MAGI1: variants seen among roughly 807,000 people sequenced by gnomAD.
The protein encoded by MAGI1 is membrane associated guanylate kinase, WW and PDZ domain containing 1.
MAGI1 carries 58 observed loss-of-function variants against 139.9 expected under a neutral mutation model. The observed-to-expected ratio is 0.41, with a 90% CI of 0.34 to 0.52. The LOEUF (loss-of-function observed/expected upper bound fraction) is 0.52, where lower values mean the gene tolerates loss of function less well. MAGI1 is among the 20% of genes least tolerant of loss of function. The pLI is 0.12. For synonymous variants in MAGI1, 812 were observed against 737.9 expected, an observed-to-expected ratio of 1.10 and a Z score of -1.63; for missense variants, 1,874 against 1,901.6, an observed-to-expected ratio of 0.99 and a Z score of 0.27.
At chr3:65,789,736 A>AC in intron 1 of MAGI1, among the ~76,000 whole-genome samples, 1 of 152,258 alleles carries the variant, frequency 6.6e-6, no homozygotes, top group African/African-American at 2.4e-5. Context: ...GCAATTAGGG[A>AC]CCTAAAACTG....
In MAGI1 at chr3:65,813,003, G is replaced by A. The variant is rs114739090; in HGVS notation, c.314-190915C>T. On this transcript the variant is annotated intron_variant, in intron 1 of 22. Coordinates refer to ENST00000402939, the MANE Select transcript of MAGI1 (RefSeq NM_001033057.2). ...TGGAATTACAGGCTTGAGCCACCGC[G>A]CCCAGCCTAGTTCACATTTTCTAAA... Among the ~76,000 whole-genome samples the A allele has an allele frequency of 4.5e-3, 678 of 149,112 alleles. 3 individuals carry two copies. Among genetic ancestry groups the A allele is most frequent in the Non-Finnish European group, 7.4e-3 (502 of 67,572 alleles).
chr3:65,894,172 A>G (rs926351397), intron 1 of MAGI1, among the ~76,000 whole-genome samples: 2 of 152,212 alleles, frequency 1.3e-5, no homozygotes, highest in Non-Finnish European at 2.9e-5. Context: ...TCAAAGTTGT[A>G]AGAACAGCAT....
intron 13 of MAGI1, among the ~76,000 whole-genome samples, chr3:65,395,203 G>A (rs1211873242): frequency 1.3e-5 from 2 of 152,106 alleles, no homozygotes; most frequent in African/African-American, 4.8e-5. Flanking sequence ...CTGAGCTCTT[G>A]AAATTTATCC....
rs531730907 is a variant in MAGI1, at chr3:65,456,837, C to T, written c.960-3497G>A. On this transcript the variant is annotated intron_variant, in intron 5 of 22. Coordinates refer to ENST00000402939, the MANE Select transcript of MAGI1 (RefSeq NM_001033057.2). ...GCTTTTGTAAAAAATCAGTTGGGCACACTTATGGATCTATCTCTGGTTCTG... is the reference window on the plus strand; with the variant it reads ...GCTTTTGTAAAAAATCAGTTGGGCATACTTATGGATCTATCTCTGGTTCTG... Among the ~76,000 whole-genome samples the T allele has an allele frequency of 1.2e-4, 18 of 152,294 alleles. 1 individual carries two copies. The highest frequency in any genetic ancestry group is 3.8e-4 in the African/African-American group (16 of 41,566).
At chr3:65,850,415 AG>A (rs1414583113) in intron 1 of MAGI1, among the ~76,000 whole-genome samples, 3 of 152,186 alleles carry the variant, frequency 2.0e-5, no homozygotes, top group Admixed American at 1.3e-4. Flanking sequence ...CTCTCAATCC[AG>A]GGTAAACCAG....
At chr3:65,927,588 T>A (rs1384194227) in intron 1 of MAGI1, among the ~76,000 whole-genome samples, 1 of 152,200 alleles carries the variant, frequency 6.6e-6, no homozygotes, top group Non-Finnish European at 1.5e-5. Context: ...GGTGCTTCTG[T>A]AGGTTTTTTA....
chr3:65,953,048 G>A (rs935813932), intron 1 of MAGI1, among the ~76,000 whole-genome samples: 1 of 152,088 alleles, frequency 6.6e-6, no homozygotes, highest in Non-Finnish European at 1.5e-5. Context: ...CTCAGGGAAA[G>A]GTTAAGTAAT....
In MAGI1 at chr3:65,869,971, C is replaced by T. The variant is rs188614004; in HGVS notation, c.313+168025G>A. On this transcript the variant is annotated intron_variant, in intron 1 of 22. Transcript: ENST00000402939. The stretch of plus-strand genomic sequence containing the variant: ...TATTCTTTACCCTAGAAATCGAAAT[C>T]TGCATTGCATTCTGTACCTGGCTTC... Among the ~76,000 whole-genome samples the T allele has an allele frequency of 3.3e-5, 5 of 152,314 alleles. No homozygotes were observed. The East Asian group carries it at 9.7e-4, about 29-fold the overall frequency.
chr3:65,887,063 T>C (rs955922852), intron 1 of MAGI1, among the ~76,000 whole-genome samples: 1 of 152,128 alleles, frequency 6.6e-6, no homozygotes, highest in African/African-American at 2.4e-5. Flanking sequence ...TATAAAATAC[T>C]GATTAAGAAT....
chr3:65,813,701 T>C (rs1158666711), intron 1 of MAGI1, among the ~76,000 whole-genome samples: 3 of 152,174 alleles, frequency 2.0e-5, no homozygotes, highest in Non-Finnish European at 4.4e-5. Context: ...TAATGAGAAA[T>C]ACGCAGAATG....
At chr3:65,410,783 TG>T (rs1559532047) in intron 12 of MAGI1, among the ~76,000 whole-genome samples, 2,491 of 152,262 alleles carry the variant, frequency 0.016, 73 homozygotes, top group African/African-American at 0.056. Context: ...AGGCTACACA[TG>T]CTAAAAATAC....
At chr3:65,889,401 C>T (rs547630763) in intron 1 of MAGI1, among the ~76,000 whole-genome samples, 1 of 152,300 alleles carries the variant, frequency 6.6e-6, no homozygotes, top group South Asian at 2.1e-4. Context: ...CTCTTCTGGG[C>T]TTAGCGACAC....
chr3:66,016,476 C>T (rs992929287), intron 1 of MAGI1, among the ~76,000 whole-genome samples: 20 of 152,204 alleles, frequency 1.3e-4, no homozygotes, highest in African/African-American at 3.9e-4. Flanking sequence ...ATGGCGGGAC[C>T]GAAGAACAGC....
In MAGI1 at chr3:66,038,760, G is replaced by T. The variant is rs1418912606; in HGVS notation, c.-452C>A. 1 of 159,896 alleles carries T rather than the reference G, an allele frequency of 6.3e-6. No homozygotes were observed. The highest frequency in any genetic ancestry group is 1.9e-4 in the East Asian group (1 of 5,328). The allele number at this position is 159,896 out of a possible 1,614,324, so 9.9% of individuals were successfully genotyped here. A position where few individuals can be genotyped will look rare whatever the true frequency, so the allele number is the denominator to read the frequency against. The stretch of plus-strand genomic sequence containing the variant: ...GGAAGCCCTTCCAGCCAGTTGCCGG[G>T]AGCCCTGAAGACGCGGTGGCGGGGC... On this transcript the variant is annotated 5_prime_UTR_variant, in exon 1 of 23. Transcript: ENST00000402939.
At chr3:65,833,304 A>G (rs930860277) in intron 1 of MAGI1, among the ~76,000 whole-genome samples, 5 of 152,088 alleles carry the variant, frequency 3.3e-5, no homozygotes, top group African/African-American at 7.2e-5. Context: ...GTTTTAGTAG[A>G]GAGGGGGTTT....
chr3:65,920,986 G>A (rs1208615441), intron 1 of MAGI1, among the ~76,000 whole-genome samples: 4 of 151,598 alleles, frequency 2.6e-5, no homozygotes, highest in African/African-American at 7.3e-5. Flanking sequence ...CCGAGATCAC[G>A]CCACTGCACT....
Position 65,544,895 on chromosome 3 carries a change from T to C in MAGI1, c.431-51264A>G, listed in dbSNP as rs530749076. On this transcript the variant is annotated intron_variant, in intron 2 of 22. Coordinates refer to ENST00000402939, the MANE Select transcript of MAGI1 (RefSeq NM_001033057.2). ...GTTATTTTGTAGATTAAGTAATACA[T>C]GTGAGTGTGATTTATAAATATAAAC... is the stretch of plus-strand genomic sequence containing the variant. Among the ~76,000 whole-genome samples the C allele has an allele frequency of 1.7e-4, 26 of 152,344 alleles. No homozygotes were observed. In the South Asian group the frequency reaches 1.9e-3, roughly 11 times the overall value.
rs979345752 is a variant in MAGI1, at chr3:65,890,116, G to A, written c.313+147880C>T. 5.0e-4 allele frequency among the ~76,000 whole-genome samples: 50 copies of A among 100,160 alleles called. 1 individual carries two copies. The highest frequency in any genetic ancestry group is 5.6e-4 in the Non-Finnish European group (31 of 55,068). The allele number at this position is 100,160 out of a possible 152,430, so 65.7% of individuals were successfully genotyped here. On this transcript the variant is annotated intron_variant, in intron 1 of 22. Transcript: ENST00000402939. Reference sequence around the variant, plus strand: ...CGCGGTGGCTCACGCCTGTAATCCCGGCACTTTGGGAGGCCGAGTGGACGG... The same window carrying A: ...CGCGGTGGCTCACGCCTGTAATCCCAGCACTTTGGGAGGCCGAGTGGACGG...
chr3:65,765,864 C>G (rs1559861195), intron 1 of MAGI1, among the ~76,000 whole-genome samples: 2 of 152,026 alleles, frequency 1.3e-5, no homozygotes, highest in Non-Finnish European at 2.9e-5. Flanking sequence ...TCTTCCTATA[C>G]AAAAGTCACT....
Sources: gnomAD v4.1 joint callset for allele counts (sites outside exome capture counted in the v4.1 genomes callset) on GRCh38, gnomAD v4.1.1 for gene constraint, MANE v1.5 for transcripts, NCBI Gene and HGNC (gene_info 2026-07-23, HGNC 2026-07-21) for gene names.